The following HSD17B12 variants were observed in gnomAD, a reference collection of about 807,000 sequenced individuals.
The protein encoded by HSD17B12 is very-long-chain 3-oxoacyl-CoA reductase.
Under a neutral mutation model 39.3 loss-of-function variants are expected in HSD17B12, and 32 were observed. The observed-to-expected ratio is 0.81, with a 90% CI of 0.61 to 1.09. The LOEUF (loss-of-function observed/expected upper bound fraction) is 1.09. Ranked by LOEUF, HSD17B12 falls within the 50% of genes least tolerant of loss-of-function variation. The pLI is 0.00. For synonymous variants in HSD17B12, 150 were observed against 146.7 expected (o/e 1.02, Z -0.16); for missense variants, 342 against 382.9 (o/e 0.89, Z 0.89).
intron 3 of HSD17B12, among the ~76,000 whole-genome samples, chr11:43,776,633 G>T (rs1398968374): frequency 1.3e-5 from 2 of 152,104 alleles, no homozygotes; most frequent in African/African-American, 4.8e-5. Flanking sequence ...GTTGATTTTG[G>T]CTTTTATTGC....
intron 1 of HSD17B12, among the ~76,000 whole-genome samples, chr11:43,686,831 C>T (rs985127599): frequency 2.0e-5 from 3 of 152,124 alleles, no homozygotes; most frequent in Non-Finnish European, 4.4e-5. Context: ...GCACTGTGCT[C>T]TGATTACCTG....
At chr11:43,618,910 A>G in the HSD17B12 span, among the ~76,000 whole-genome samples, 1 of 151,994 alleles carries the variant, frequency 6.6e-6, no homozygotes, top group African/African-American at 2.4e-5. Flanking sequence ...TTTGAATGTA[A>G]CATATTCCAC....
the HSD17B12 span, among the ~76,000 whole-genome samples, chr11:43,587,643 G>A: frequency 6.6e-6 from 1 of 152,240 alleles, no homozygotes; most frequent in Non-Finnish European, 1.5e-5. Context: ...TGGAGCTGAG[G>A]ACAGAAACAG....
At chr11:43,731,372 G>C (rs1950265769) in intron 1 of HSD17B12, among the ~76,000 whole-genome samples, 1 of 152,148 alleles carries the variant, frequency 6.6e-6, no homozygotes, top group Non-Finnish European at 1.5e-5. Context: ...TGTTTATCTG[G>C]GTGGATATAA....
intron 4 of HSD17B12, among the ~76,000 whole-genome samples, chr11:43,801,967 GATGAAGTT>G (rs1418738488): frequency 6.7e-6 from 1 of 149,700 alleles, no homozygotes; most frequent in African/African-American, 2.5e-5. Flanking sequence ...AAAAGAAACA[GATGAAGTT>G]AATTTTTTTT....
the HSD17B12 span, among the ~76,000 whole-genome samples, chr11:43,618,270 T>C: frequency 6.6e-6 from 1 of 152,188 alleles, no homozygotes; most frequent in Non-Finnish European, 1.5e-5. Context: ...TTCATTATGT[T>C]TTACTCATGA....
intron 3 of HSD17B12, among the ~76,000 whole-genome samples, chr11:43,793,678 G>A (rs973823539): frequency 3.3e-5 from 5 of 152,148 alleles, no homozygotes; most frequent in Non-Finnish European, 5.9e-5. Context: ...ATTGAGAGGT[G>A]TTTCAGCAGC....
intron 6 of HSD17B12, among the ~76,000 whole-genome samples, chr11:43,828,016 G>A (rs1951264412): frequency 6.6e-6 from 1 of 152,036 alleles, no homozygotes; most frequent in South Asian, 2.1e-4. Flanking sequence ...TTCTTGTGGT[G>A]AGGATTAATG....
Position 43,754,090 on chromosome 11 carries a change from G to C in HSD17B12, c.252G>C (p.Lys84Asn). ...AGGTTGTCCTTATCAGCAGATCAAA[G>C]GATAAACTTGACCAGGTTTCCAGTG... ...GMKVVLISRS[K>N]DKLDQVSSEI... Residue 84 changes from lysine to asparagine, a missense_variant, in exon 3 of 11, where the codon AAG becomes AAC. Transcript: ENST00000278353. 1 of 1,612,094 alleles carries C rather than the reference G, an allele frequency of 6.2e-7. No individual in the cohort carries two copies. The highest frequency in any genetic ancestry group is 8.5e-7 in the Non-Finnish European group (1 of 1,178,814).
intron 1 of HSD17B12, among the ~76,000 whole-genome samples, chr11:43,681,810 C>T (rs1949747508): frequency 6.6e-6 from 1 of 150,976 alleles, no homozygotes; most frequent in African/African-American, 2.4e-5. Context: ...AAATTATCTG[C>T]AGGGAAGTTT....
upstream of HSD17B12, among the ~76,000 whole-genome samples, chr11:43,680,071 C>CT (rs66914646): frequency 3.8e-3 from 564 of 148,070 alleles, 4 homozygotes; most frequent in African/African-American, 9.6e-3. Context: ...TATTTCTTTT[C>CT]TTTTTTTTTT....
chr11:43,740,025 G>A (rs1408388939), intron 1 of HSD17B12, among the ~76,000 whole-genome samples: 1 of 152,120 alleles, frequency 6.6e-6, no homozygotes, highest in African/African-American at 2.4e-5. Context: ...AGGCGAATGC[G>A]TTAGAAGGCT....
chr11:43,692,382 G>A (rs1179136850), intron 1 of HSD17B12, among the ~76,000 whole-genome samples: 1 of 152,152 alleles, frequency 6.6e-6, no homozygotes, highest in Non-Finnish European at 1.5e-5. Flanking sequence ...TAGCAGGGCT[G>A]TCATACTAGT....
chr11:43,766,398 A>G (rs1218867412), intron 3 of HSD17B12, among the ~76,000 whole-genome samples: 1 of 152,078 alleles, frequency 6.6e-6, no homozygotes, highest in African/African-American at 2.4e-5. Flanking sequence ...TTATTGTCCA[A>G]TGTCTGGAAA....
intron 3 of HSD17B12, among the ~76,000 whole-genome samples, chr11:43,757,657 A>C (rs1409450504): frequency 1.4e-5 from 2 of 143,784 alleles, no homozygotes; most frequent in African/African-American, 5.2e-5. Flanking sequence ...AAAAAAAAAA[A>C]AAAAAAAAAA....
At chr11:43,617,490 C>T in the HSD17B12 span, among the ~76,000 whole-genome samples, 12 of 152,098 alleles carry the variant, frequency 7.9e-5, no homozygotes, top group Non-Finnish European at 1.5e-4. Context: ...AGGATGAGCT[C>T]TTCCTGTGAT....
intron 6 of HSD17B12, chr11:43,829,710 T>G (rs1001807753): frequency 6.6e-6 from 1 of 152,026 alleles, no homozygotes; most frequent in Admixed American, 6.6e-5. Context: ...CACATACACC[T>G]GGGTAAAGAC....
chr11:43,840,117 G>C lies in HSD17B12; in HGVS notation c.684+53G>C, dbSNP rs1590342695. 30 of 1,438,424 alleles carry C rather than the reference G, an allele frequency of 2.1e-5. No homozygotes were observed. The East Asian group carries it at 6.8e-4, about 33-fold the overall frequency. The allele number at this position is 1,438,424 out of a possible 1,614,324, so 89.1% of individuals were successfully genotyped here. A position where few individuals can be genotyped will look rare whatever the true frequency, so the allele number is the denominator to read the frequency against. On this transcript the variant is annotated intron_variant, in intron 9 of 10. Coordinates refer to ENST00000278353, the MANE Select transcript of HSD17B12 (RefSeq NM_016142.3). Reference sequence around the variant, plus strand: ...TCCCTGTTTTTGTGTGGTTTCCAGAGCAACTGTTGCTGTCTTGGCAATAAC... The same window carrying C: ...TCCCTGTTTTTGTGTGGTTTCCAGACCAACTGTTGCTGTCTTGGCAATAAC...
chr11:43,727,033 T>C (rs189638637), intron 1 of HSD17B12, among the ~76,000 whole-genome samples: 148 of 152,334 alleles, frequency 9.7e-4, no homozygotes, highest in African/African-American at 3.4e-3. Context: ...ACCACAGTTA[T>C]TACATAAAGG....
Sources: gnomAD v4.1 joint callset for allele counts (sites outside exome capture counted in the v4.1 genomes callset) on GRCh38, gnomAD v4.1.1 for gene constraint, MANE v1.5 for transcripts, NCBI Gene and HGNC (gene_info 2026-07-23, HGNC 2026-07-21) for gene names.